AGT: variants seen among roughly 807,000 people sequenced by gnomAD.
AGT encodes angiotensinogen.
A neutral mutation model predicts 28.1 loss-of-function variants in AGT; 26 were observed. The ratio of observed to expected loss-of-function variants is 0.92; its 90% CI spans 0.68 to 1.28. The LOEUF (loss-of-function observed/expected upper bound fraction) is 1.28. Ranked by LOEUF, AGT falls within the 50% of genes most tolerant of loss-of-function variation. The pLI, the probability that AGT is intolerant of heterozygous loss-of-function variation, is 0.00. For missense variants in AGT, 596 were observed against 592.3 expected, an observed-to-expected ratio of 1.01 and a Z score of -0.06; for synonymous variants, 259 against 259.6, an observed-to-expected ratio of 1.00 and a Z score of 0.02.
intron 1 of AGT, among the ~76,000 whole-genome samples, chr1:230,735,975 C>A (rs1664148165): frequency 1.3e-5 from 2 of 152,224 alleles, no homozygotes; most frequent in African/African-American, 4.8e-5. Flanking sequence ...ACAGTCCCAC[C>A]TGTCATTTAG....
intron 1 of AGT, among the ~76,000 whole-genome samples, chr1:230,741,084 G>A (rs1235611025): frequency 6.6e-6 from 1 of 152,172 alleles, no homozygotes; most frequent in African/African-American, 2.4e-5. Context: ...AAATCGTCTT[G>A]GGCTGAGGTC....
Position 230,702,703 on chromosome 1 carries a change from C to T in AGT, c.*438G>A, listed in dbSNP as rs1663266537. ...ACACTACACGGAGGTCATGTTCTTA[C>T]ATTCAAGACACTAAATACAAACCGA... On this transcript the variant is annotated 3_prime_UTR_variant, in exon 5 of 5. Transcript: ENST00000366667. 1 of 205,300 alleles carries T rather than the reference C, an allele frequency of 4.9e-6. No individual in the cohort carries two copies. Among genetic ancestry groups the T allele is most frequent in the African/African-American group, 2.3e-5 (1 of 43,578 alleles). The allele number at this position is 205,300 out of a possible 1,614,324, so 12.7% of individuals were successfully genotyped here. A position where few individuals can be genotyped will look rare whatever the true frequency, so the allele number is the denominator to read the frequency against.
intron 1 of AGT, among the ~76,000 whole-genome samples, chr1:230,731,411 A>G (rs1442511823): frequency 6.6e-6 from 1 of 152,160 alleles, no homozygotes. Context: ...CCCAGAGGAA[A>G]ACTCCCCAAG....
intron 1 of AGT, among the ~76,000 whole-genome samples, chr1:230,733,796 C>T (rs1027144485): frequency 1.5e-4 from 23 of 152,096 alleles, no homozygotes; most frequent in Admixed American, 1.0e-3. Context: ...ATTTGAGCAC[C>T]GCTGTGAAGA....
At chr1:230,712,226 A>G (rs1346829319) in intron 1 of AGT, among the ~76,000 whole-genome samples, 1 of 152,006 alleles carries the variant, frequency 6.6e-6, no homozygotes, top group African/African-American at 2.4e-5. Flanking sequence ...TGATGCCTAG[A>G]TTTTTCTGCT....
chr1:230,730,541 G>A (rs1007117782), intron 1 of AGT, among the ~76,000 whole-genome samples: 3 of 152,170 alleles, frequency 2.0e-5, no homozygotes, highest in South Asian at 2.1e-4. Flanking sequence ...GGGAAAAGCT[G>A]ACTCAGTTGG....
chr1:230,733,267 G>A (rs1023378507), intron 1 of AGT, among the ~76,000 whole-genome samples: 8 of 151,800 alleles, frequency 5.3e-5, no homozygotes, highest in African/African-American at 1.9e-4. Flanking sequence ...TGGGCAACAA[G>A]ATCTAAACTC....
chr1:230,736,036 AAG>A (rs1447900172), intron 1 of AGT, among the ~76,000 whole-genome samples: 1 of 151,544 alleles, frequency 6.6e-6, no homozygotes, highest in African/African-American at 2.4e-5. Context: ...CTTAAATCCA[AAG>A]AGTTTGCATA....
In AGT at chr1:230,703,140, C is replaced by A; in HGVS notation, c.*1G>T. On this transcript the variant is annotated 3_prime_UTR_variant, in exon 5 of 5. Transcript: ENST00000366667. ...AGGCACTGTGTTCTGGGGCCCTGGC[C>A]TCATGCTGTGCTCAGCGGGTTGGCC... is the stretch of plus-strand genomic sequence containing the variant. 1 of 1,613,480 alleles carries A rather than the reference C, an allele frequency of 6.2e-7. No homozygotes were observed. Among genetic ancestry groups the A allele is most frequent in the South Asian group, 1.1e-5 (1 of 91,048 alleles).
chr1:230,716,166 A>G (rs775691024), upstream of AGT, among the ~76,000 whole-genome samples: 1 of 152,208 alleles, frequency 6.6e-6, no homozygotes, highest in Non-Finnish European at 1.5e-5. Context: ...GGGATCTTCT[A>G]CGTAAGGCTT....
At chr1:230,727,991 G>T (rs776301664) in intron 1 of AGT, among the ~76,000 whole-genome samples, 1 of 152,130 alleles carries the variant, frequency 6.6e-6, no homozygotes, top group Non-Finnish European at 1.5e-5. Flanking sequence ...AAATATGAAG[G>T]CAGGGGTTTT....
At chr1:230,738,491 T>G (rs80095450) in intron 1 of AGT, among the ~76,000 whole-genome samples, 1,620 of 152,320 alleles carry the variant, frequency 0.011, 32 homozygotes, top group African/African-American at 0.036. Flanking sequence ...AATTATTTTT[T>G]CCTAGAGACC....
At chr1:230,707,209 G>A (rs1663412282) in intron 2 of AGT, among the ~76,000 whole-genome samples, 1 of 152,236 alleles carries the variant, frequency 6.6e-6, no homozygotes, top group Non-Finnish European at 1.5e-5. Flanking sequence ...GCAGTTACCT[G>A]GGGTCTTTCC....
At chr1:230,741,966 G>C (rs1664255369) in intron 1 of AGT, among the ~76,000 whole-genome samples, 1 of 152,146 alleles carries the variant, frequency 6.6e-6, no homozygotes, top group Non-Finnish European at 1.5e-5. Flanking sequence ...TGAGGTAGGA[G>C]GATCTCTTGA....
At position 230,705,942 on chromosome 1, in the gene AGT, A is replaced by G. The variant is rs1663372199; in HGVS notation, c.1088T>C (p.Leu363Pro). 6.2e-7 allele frequency: 1 copy of G among 1,614,120 alleles called. No individual in the cohort carries two copies. Among genetic ancestry groups the G allele is most frequent in the Non-Finnish European group, 8.5e-7 (1 of 1,179,996 alleles). Residue 363 changes from leucine (L) to proline (P), a missense_variant, in exon 3 of 5, where the codon CTA (leucine) becomes CCA (proline). By Grantham distance (98) the Leu-to-Pro change is moderately conservative (BLOSUM62 -3). Coordinates refer to ENST00000366667, the MANE Select transcript of AGT (RefSeq NM_001384479.1). ...QQNSLNWMKK[L>P]SPRTIHLTMP... ...ACCGGGAGGCTCCTACCGGGGAGAT[A>G]GTTTCTTCATCCAGTTGAGGGAGTT...
In AGT at chr1:230,745,077, T is replaced by C. The variant is rs760429835; in HGVS notation, c.-31+438A>G. Among the ~76,000 whole-genome samples, 5 of 152,316 alleles carry C rather than the reference T, an allele frequency of 3.3e-5. No homozygotes were observed. The East Asian group carries it at 7.7e-4, about 23-fold the overall frequency. Reference sequence around the variant, plus strand: ...TCCATCATCTCTAGCCAAGAATCATTTGGACTGGCCAGAACTGCACTCTGG... The same window carrying C: ...TCCATCATCTCTAGCCAAGAATCATCTGGACTGGCCAGAACTGCACTCTGG... On this transcript the variant is annotated intron_variant, in intron 1 of 4. Coordinates refer to the AGT transcript ENST00000681269.
chr1:230,740,479 A>G (rs1381333363), intron 1 of AGT, among the ~76,000 whole-genome samples: 1 of 152,134 alleles, frequency 6.6e-6, no homozygotes, highest in Non-Finnish European at 1.5e-5. Flanking sequence ...GACAAACCTT[A>G]CAGGATATTT....
At position 230,702,857 on chromosome 1, in the gene AGT, T is replaced by C. The variant is rs899198205; in HGVS notation, c.*284A>G. 2 of 470,032 alleles carry C rather than the reference T, an allele frequency of 4.3e-6. No individual in the cohort carries two copies. Among genetic ancestry groups the C allele is most frequent in the African/African-American group, 1.9e-5 (1 of 51,726 alleles). The allele number at this position is 470,032 out of a possible 1,614,324, so 29.1% of individuals were successfully genotyped here. The stretch of plus-strand genomic sequence containing the variant: ...TCTTTTTGGAACAGTAGTCCCGCGC[T>C]AAACACTGGTTCTTGCCTCCCCACC... On this transcript the variant is annotated 3_prime_UTR_variant, in exon 5 of 5. Transcript: ENST00000366667.
intron 3 of AGT, among the ~76,000 whole-genome samples, chr1:230,704,888 C>T (rs1468781802): frequency 6.6e-6 from 1 of 152,172 alleles, no homozygotes; most frequent in Non-Finnish European, 1.5e-5. Flanking sequence ...GACAGTACAC[C>T]CATGTTTACA....
Sources: allele counts gnomAD v4.1 joint callset (sites outside exome capture counted in the v4.1 genomes callset), GRCh38; gene constraint gnomAD v4.1.1; transcripts MANE v1.5; gene names NCBI Gene and HGNC (gene_info 2026-07-23, HGNC 2026-07-21).